PLAG1: variants seen among roughly 807,000 people sequenced by gnomAD.
PLAG1 encodes PLAG1 zinc finger.
Under a neutral mutation model 35.5 loss-of-function variants are expected in PLAG1, and 7 were observed. That is an observed-to-expected ratio of 0.20 (90% CI 0.11 to 0.37). PLAG1 has a LOEUF of 0.37. Among genes scored for constraint, PLAG1 ranks in the 10% least tolerant of loss-of-function variants. The pLI is 1.00. For synonymous variants in PLAG1, 229 were observed against 225.4 expected (o/e 1.02, Z -0.14); for missense variants, 454 against 602.8 (o/e 0.75, Z 2.58).
chr8:56,201,960 CTT>C (rs71555635), intron 1 of PLAG1, among the ~76,000 whole-genome samples: 18 of 136,838 alleles, frequency 1.3e-4, no homozygotes, highest in East Asian at 6.4e-4. Flanking sequence ...TTTTTGGGCT[CTT>C]TTTTTTTTTT....
rs1202396282 is a variant in PLAG1, at chr8:56,166,292, C to T, written c.1454G>A (p.Ser485Asn). 6.2e-7 allele frequency: 1 copy of T among 1,610,602 alleles called. No individual in the cohort carries two copies. The highest frequency in any genetic ancestry group is 8.5e-7 in the Non-Finnish European group (1 of 1,178,596). ...TGGGAGGGTGGTACTTGTGCTTAAA[C>T]TGCTGGTGAAAGCTGCTGACAGTGA... ...LHSLSAAFTS[S>N]LSTSTTLPRF... Residue 485 changes from serine to asparagine, a missense_variant, in exon 5 of 5, where the codon AGT becomes AAT. Ser to Asn is a conservative substitution (Grantham distance 46). This residue lies in a region of PLAG1 where 271 missense variants were observed against 315.6 expected (regional missense o/e 0.86). Coordinates refer to ENST00000316981, the MANE Select transcript of PLAG1 (RefSeq NM_002655.3).
intron 1 of PLAG1, among the ~76,000 whole-genome samples, chr8:56,194,735 A>G (rs1775838503): frequency 6.6e-6 from 1 of 152,140 alleles, no homozygotes; most frequent in African/African-American, 2.4e-5. Context: ...GTGGTGAGGC[A>G]GGAGTCTGCC....
At chr8:56,189,157 G>C (rs1812107710) in intron 1 of PLAG1, among the ~76,000 whole-genome samples, 1 of 152,230 alleles carries the variant, frequency 6.6e-6, no homozygotes, top group Non-Finnish European at 1.5e-5. Flanking sequence ...GGCAGGAGGA[G>C]AGCTTTCCAT....
intron 2 of PLAG1, among the ~76,000 whole-genome samples, chr8:56,176,785 T>C (rs547405680): frequency 1.2e-4 from 18 of 152,302 alleles, no homozygotes; most frequent in South Asian, 1.0e-3. Context: ...TGGTAAGTTA[T>C]TGATCTTATT....
At chr8:56,181,310 A>G (rs1022788033) in intron 1 of PLAG1, among the ~76,000 whole-genome samples, 6 of 152,224 alleles carry the variant, frequency 3.9e-5, no homozygotes, top group Non-Finnish European at 7.3e-5. Context: ...AAGACTTGGA[A>G]CCAGCCCAAA....
At chr8:56,196,392 G>A (rs779971144) in intron 1 of PLAG1, among the ~76,000 whole-genome samples, 2 of 152,180 alleles carry the variant, frequency 1.3e-5, no homozygotes, top group Non-Finnish European at 2.9e-5. Flanking sequence ...GGATATATGA[G>A]TGTGTGATGC....
intron 1 of PLAG1, chr8:56,209,609 G>A (rs1286132352): frequency 1.3e-5 from 2 of 152,262 alleles, no homozygotes; most frequent in African/African-American, 4.8e-5. Flanking sequence ...TGATGCAAGA[G>A]ACATCATCCT....
chr8:56,206,630 C>A (rs956106064), intron 1 of PLAG1, among the ~76,000 whole-genome samples: 3 of 151,996 alleles, frequency 2.0e-5, no homozygotes, highest in Admixed American at 2.0e-4. Context: ...ATTTACCCTG[C>A]ATTCATATTT....
intron 1 of PLAG1, among the ~76,000 whole-genome samples, chr8:56,197,312 C>A (rs1486963237): frequency 6.6e-6 from 1 of 152,150 alleles, no homozygotes; most frequent in East Asian, 1.9e-4. Context: ...GTGAGTGTAA[C>A]TCTTTCTCCT....
At chr8:56,199,678 C>T (rs1812490501) in intron 1 of PLAG1, among the ~76,000 whole-genome samples, 1 of 152,036 alleles carries the variant, frequency 6.6e-6, no homozygotes, top group Admixed American at 6.5e-5. Context: ...TGGGGCCCAG[C>T]CTCCCCAGCT....
chr8:56,190,830 A>AG (rs779396968), intron 1 of PLAG1, among the ~76,000 whole-genome samples: 3 of 152,108 alleles, frequency 2.0e-5, no homozygotes, highest in Non-Finnish European at 4.4e-5. Context: ...GCACAGGGGG[A>AG]GGACACAGTA....
In PLAG1 at chr8:56,166,136, C is replaced by A. The variant is rs544620120; in HGVS notation, c.*107G>T. The A allele has an allele frequency of 2.6e-6, 2 of 772,142 alleles. No homozygotes were observed. Among genetic ancestry groups the A allele is most frequent in the Admixed American group, 5.3e-5 (2 of 38,010 alleles). The allele number at this position is 772,142 out of a possible 1,614,324, so 47.8% of individuals were successfully genotyped here. A position where few individuals can be genotyped will look rare whatever the true frequency, so the allele number is the denominator to read the frequency against. On this transcript the variant is annotated 3_prime_UTR_variant, in exon 5 of 5. Coordinates refer to ENST00000316981, the MANE Select transcript of PLAG1 (RefSeq NM_002655.3). ...TGGCTTAATGAAAATTTGTATTATACAAAAGCAGAAATTTTTATACTGTTT... is the reference window on the plus strand; with the variant it reads ...TGGCTTAATGAAAATTTGTATTATAAAAAAGCAGAAATTTTTATACTGTTT...
In PLAG1 at chr8:56,161,904, T is replaced by A; in HGVS notation, c.*4339A>T. ...CTTATATAATGAAGTGTTTTATACA[T>A]TAGCAATAGTTCTGTGTCATTTCTA... On this transcript the variant is annotated 3_prime_UTR_variant, in exon 5 of 5. Coordinates refer to ENST00000316981, the MANE Select transcript of PLAG1 (RefSeq NM_002655.3). 1 of 227,302 alleles carries A rather than the reference T, an allele frequency of 4.4e-6. No individual in the cohort carries two copies. Among genetic ancestry groups the A allele is most frequent in the Non-Finnish European group, 8.8e-6 (1 of 114,020 alleles). 14.1% of individuals were successfully genotyped at this position (227,302 alleles called of 1,614,324 possible).
intron 1 of PLAG1, among the ~76,000 whole-genome samples, chr8:56,192,781 G>A (rs1483721765): frequency 1.3e-5 from 2 of 152,062 alleles, no homozygotes; most frequent in Admixed American, 6.5e-5. Flanking sequence ...AGACTATAAC[G>A]TGTTTGGAGG....
intron 1 of PLAG1, among the ~76,000 whole-genome samples, chr8:56,210,173 C>T (rs1812826531): frequency 6.6e-6 from 1 of 152,122 alleles, no homozygotes; most frequent in African/African-American, 2.4e-5. Flanking sequence ...AATATTAACT[C>T]CTTGGTCCCT....
intron 2 of PLAG1, among the ~76,000 whole-genome samples, chr8:56,172,560 G>A (rs1811564476): frequency 6.6e-6 from 1 of 152,128 alleles, no homozygotes; most frequent in South Asian, 2.1e-4. Flanking sequence ...ATAAATACCT[G>A]ACACGTGTGG....
In PLAG1 at chr8:56,168,366, G is replaced by A. The variant is rs893833927; in HGVS notation, c.-97C>T. 6 of 1,349,818 alleles carry A rather than the reference G, an allele frequency of 4.4e-6. No homozygotes were observed. Among genetic ancestry groups the A allele is most frequent in the Admixed American group, 2.9e-5 (1 of 34,998 alleles). The allele number at this position is 1,349,818 out of a possible 1,614,324, so 83.6% of individuals were successfully genotyped here. Reference sequence around the variant, plus strand: ...GTGGCTTCTCAAGTTTCATGTGGTCGTAAAAGAAAGCAAAAAGGGACTGGA... The same window carrying A: ...GTGGCTTCTCAAGTTTCATGTGGTCATAAAAGAAAGCAAAAAGGGACTGGA... On this transcript the variant is annotated 5_prime_UTR_variant, in exon 4 of 5. In the 5' UTR this introduces an upstream ATG that the reference lacks. Coordinates refer to ENST00000316981, the MANE Select transcript of PLAG1 (RefSeq NM_002655.3).
chr8:56,191,392 G>A (rs1455081408), intron 1 of PLAG1, among the ~76,000 whole-genome samples: 1 of 152,178 alleles, frequency 6.6e-6, no homozygotes, highest in Non-Finnish European at 1.5e-5. Flanking sequence ...CAGAGGACGC[G>A]AGCCTGTGGT....
At chr8:56,172,984 A>G (rs140395349) in intron 2 of PLAG1, among the ~76,000 whole-genome samples, 1,641 of 152,308 alleles carry the variant, frequency 0.011, 15 homozygotes, top group Admixed American at 0.019. Context: ...GTGGAAAACG[A>G]TTTGGGTAGA....
Sources: allele counts gnomAD v4.1 joint callset (sites outside exome capture counted in the v4.1 genomes callset), GRCh38; gene constraint gnomAD v4.1.1; regional missense constraint gnomAD v4.1.1; transcripts MANE v1.5; gene names NCBI Gene and HGNC (gene_info 2026-07-23, HGNC 2026-07-21).